EYS: variants seen among roughly 807,000 people sequenced by gnomAD.
The protein encoded by EYS is protein eyes shut homolog.
In EYS, 250 loss-of-function variants were observed where a neutral mutation model predicts 282.1. The ratio of observed to expected loss-of-function variants is 0.89; its 90% confidence interval spans 0.80 to 0.98. The LOEUF (loss-of-function observed/expected upper bound fraction) is 0.98, where lower values mean the gene tolerates loss of function less well. EYS is among the 50% of genes least tolerant of loss of function. The probability of loss-of-function intolerance (pLI) is 0.00; values close to 1 mark genes in which losing one functional copy is unlikely to be tolerated. For synonymous variants in EYS, 1,355 were observed against 1,282.9 expected, an observed-to-expected ratio of 1.06 and a Z score of -1.20; for missense variants, 4,016 against 3,709.0, an observed-to-expected ratio of 1.08 and a Z score of -2.15.
At chr6:65,265,951 T>C (rs1339719856) in intron 12 of EYS, among the ~76,000 whole-genome samples, 1 of 151,936 alleles carries the variant, frequency 6.6e-6, no homozygotes, top group Non-Finnish European at 1.5e-5. Context: ...GTTTCTAATT[T>C]TGAGTACACA....
At chr6:65,573,563 C>G (rs1015826961) in intron 2 of EYS, among the ~76,000 whole-genome samples, 5 of 152,150 alleles carry the variant, frequency 3.3e-5, no homozygotes, top group Non-Finnish European at 7.4e-5. Context: ...CATATGTTCA[C>G]GCAGGTATTC....
chr6:65,055,338 A>G (rs1409043494), intron 13 of EYS, among the ~76,000 whole-genome samples: 3 of 152,034 alleles, frequency 2.0e-5, no homozygotes, highest in Non-Finnish European at 4.4e-5. Context: ...TGTAAATTAA[A>G]CTTTTATTTT....
chr6:64,543,816 A>G (rs1036651104), intron 26 of EYS, among the ~76,000 whole-genome samples: 1 of 152,162 alleles, frequency 6.6e-6, no homozygotes, highest in African/African-American at 2.4e-5. Context: ...GAAACTTGTG[A>G]GGATTATCCC....
chr6:64,595,662 G>T (rs1766562714), intron 24 of EYS, among the ~76,000 whole-genome samples: 1 of 151,942 alleles, frequency 6.6e-6, no homozygotes. Flanking sequence ...ATTTGAAAAA[G>T]AAATTAAAAA....
At chr6:64,130,292 A>G (rs182934558) in intron 31 of EYS, among the ~76,000 whole-genome samples, 61 of 152,360 alleles carry the variant, frequency 4.0e-4, no homozygotes, top group African/African-American at 1.4e-3. Flanking sequence ...ATGGAATACT[A>G]TGCAGCCATA....
chr6:64,250,385 C>T (rs544982095), intron 30 of EYS, among the ~76,000 whole-genome samples: 6 of 152,232 alleles, frequency 3.9e-5, no homozygotes, highest in Admixed American at 2.6e-4. Context: ...CAGAATTGCA[C>T]GCAACCGTGG....
intron 19 of EYS, among the ~76,000 whole-genome samples, chr6:64,879,444 C>G (rs1007472243): frequency 2.7e-5 from 4 of 146,856 alleles, no homozygotes; most frequent in African/African-American, 1.0e-4. Context: ...AGCACATACA[C>G]GCAGAAAAAA....
intron 2 of EYS, among the ~76,000 whole-genome samples, 186 bp from the exon 3 acceptor site, chr6:65,496,179 AGGAAT>A (rs540796147): frequency 1.8e-3 from 272 of 152,194 alleles, no homozygotes; most frequent in African/African-American, 6.4e-3. Context: ...AGTCTTCTGT[AGGAAT>A]GGTGGAAGGT....
intron 8 of EYS, among the ~76,000 whole-genome samples, chr6:65,356,881 G>A (rs946827519): frequency 6.6e-6 from 1 of 151,956 alleles, no homozygotes; most frequent in Non-Finnish European, 1.5e-5. Flanking sequence ...TATACCTTGT[G>A]TGTTCATGTG....
At chr6:64,367,331 G>T (rs1772213558) in intron 29 of EYS, among the ~76,000 whole-genome samples, 1 of 151,606 alleles carries the variant, frequency 6.6e-6, no homozygotes, top group Non-Finnish European at 1.5e-5. Flanking sequence ...TTTTTCTAAG[G>T]GTATGAACCA....
intron 14 of EYS, among the ~76,000 whole-genome samples, chr6:64,962,867 T>A (rs1769971558): frequency 6.6e-6 from 1 of 152,168 alleles, no homozygotes; most frequent in South Asian, 2.1e-4. Flanking sequence ...GGTATAAACA[T>A]TTGTATCAAG....
chr6:63,889,947 A>T (rs1482258361), intron 35 of EYS, among the ~76,000 whole-genome samples: 1 of 152,178 alleles, frequency 6.6e-6, no homozygotes, highest in Non-Finnish European at 1.5e-5. Flanking sequence ...CAGATGAAAA[A>T]AAAAGCAGGG....
chr6:64,958,862 A>G (rs1267453540), intron 14 of EYS, among the ~76,000 whole-genome samples: 1 of 151,776 alleles, frequency 6.6e-6, no homozygotes, highest in Non-Finnish European at 1.5e-5. Context: ...AATTGGTAAG[A>G]GGAATTCTGG....
chr6:64,749,344 C>T (rs903722538), intron 22 of EYS, among the ~76,000 whole-genome samples: 23 of 152,258 alleles, frequency 1.5e-4, no homozygotes, highest in Middle Eastern at 3.4e-3. Flanking sequence ...TGTTACAACA[C>T]TCAGAATTTT....
chr6:64,980,150 G>GT (rs1770606177), intron 14 of EYS, among the ~76,000 whole-genome samples: 1 of 151,404 alleles, frequency 6.6e-6, no homozygotes. Context: ...TGTGCTGCAA[G>GT]TTTTTTCTTT....
In EYS at chr6:64,355,806, C is replaced by T. The variant is rs569267265; in HGVS notation, c.6078+32884G>A. ...TCCCTAGCAGAGTTAACAAATAACA[C>T]TCGTATAATTAGCAAGTGGCAAGTG... On this transcript the variant is annotated intron_variant, in intron 29 of 42. Coordinates refer to ENST00000503581, the MANE Select transcript of EYS (RefSeq NM_001142800.2). Among the ~76,000 whole-genome samples the T allele has an allele frequency of 5.7e-4, 86 of 151,710 alleles. 1 individual carries two copies. The highest frequency in any genetic ancestry group is 1.9e-3 in the African/African-American group (79 of 41,472).
At chr6:65,361,776 C>T (rs1362486947) in intron 8 of EYS, among the ~76,000 whole-genome samples, 1 of 152,128 alleles carries the variant, frequency 6.6e-6, no homozygotes, top group Non-Finnish European at 1.5e-5. Flanking sequence ...CCACCATGCT[C>T]ATCCTGAAAG....
intron 13 of EYS, among the ~76,000 whole-genome samples, chr6:65,037,939 C>A (rs76209956): frequency 0.033 from 5,011 of 151,628 alleles, 157 homozygotes; most frequent in East Asian, 0.16. Flanking sequence ...CTCAGGGTGC[C>A]TTTTACTTCT....
At chr6:64,770,544 C>A (rs185423858) in intron 22 of EYS, among the ~76,000 whole-genome samples, 1 of 151,916 alleles carries the variant, frequency 6.6e-6, no homozygotes, top group Non-Finnish European at 1.5e-5. Flanking sequence ...GACATATTGA[C>A]CCATAATGGT....
Sources: gnomAD v4.1 joint callset for allele counts (sites outside exome capture counted in the v4.1 genomes callset) on GRCh38, gnomAD v4.1.1 for gene constraint, MANE v1.5 for transcripts, NCBI Gene and HGNC (gene_info 2026-07-23, HGNC 2026-07-21) for gene names.